BLZF1: variants seen among roughly 807,000 people sequenced by gnomAD.
BLZF1 encodes basic leucine zipper nuclear factor 1, also known as golgin-45.
BLZF1 carries 39 observed loss-of-function variants against 43.8 expected under a neutral mutation model. The ratio of observed to expected loss-of-function variants is 0.89; its 90% confidence interval spans 0.69 to 1.16. BLZF1 has a LOEUF of 1.16. Among genes scored for constraint, BLZF1 ranks in the 50% most tolerant of loss-of-function variants. The probability of loss-of-function intolerance (pLI) is 0.00; values close to 1 mark genes in which losing one functional copy is unlikely to be tolerated. For synonymous variants in BLZF1, 136 were observed against 159.4 expected, an observed-to-expected ratio of 0.85 and a Z score of 1.11; for missense variants, 449 against 469.8, an observed-to-expected ratio of 0.96 and a Z score of 0.41.
rs1426072861 is a variant in BLZF1, at chr1:169,387,309, A to G, written c.*127A>G. 1 of 801,982 alleles carries G rather than the reference A, an allele frequency of 1.2e-6. No homozygotes were observed. Among genetic ancestry groups the G allele is most frequent in the African/African-American group, 1.8e-5 (1 of 55,818 alleles). 49.7% of individuals were successfully genotyped at this position (801,982 alleles called of 1,614,324 possible). A position where few individuals can be genotyped will look rare whatever the true frequency, so the allele number is the denominator to read the frequency against. ...CCTATTTACATAATGTATACACCCA[A>G]AGATATTTTATGTACTAGACTCCAG... On this transcript the variant is annotated 3_prime_UTR_variant, in exon 7 of 7. Transcript: ENST00000367808.
At chr1:169,395,881 T>TTG (rs1655000738) in intron 7 of BLZF1, 2 of 151,528 alleles carry the variant, frequency 1.3e-5, no homozygotes, top group Non-Finnish European at 2.9e-5. Flanking sequence ...TTTTGTTGTT[T>TTG]TTTTTTTTTC....
Position 169,378,455 on chromosome 1 carries a change from A to T in BLZF1, c.594A>T (p.Thr198=), listed in dbSNP as rs770732884. 1.9e-5 allele frequency: 31 copies of T among 1,612,944 alleles called. 1 individual carries two copies. In the Middle Eastern group the frequency reaches 1.5e-3, roughly 77 times the overall value. The part of the protein sequence containing the change: ...ILENEALGRN[T]AQLSEQLERM... ...AAAATGAAGCCCTAGGTCGAAACAC[A>T]GCTCAGCTTTCTGAACAGTTAGAAC... Residue 198 remains threonine, a synonymous_variant, in exon 4 of 7, where the codon ACA becomes ACT. Transcript: ENST00000367808.
chr1:169,369,536 A>C lies in BLZF1; in HGVS notation c.14A>C (p.Asn5Thr), dbSNP rs1309570467. 2 of 1,609,922 alleles carry C rather than the reference A, an allele frequency of 1.2e-6. No individual in the cohort carries two copies. The highest frequency in any genetic ancestry group is 2.2e-5 in the East Asian group (1 of 44,758). Residue 5 changes from asparagine to threonine, a missense_variant, in exon 2 of 7, where the codon AAT becomes ACT. By Grantham distance (65) the Asn-to-Thr change is moderately conservative. Coordinates refer to ENST00000367808, the MANE Select transcript of BLZF1 (RefSeq NM_001320973.2). ...TAAGGTGAAAAAATGACTACTAAAA[A>C]TTTAGAAACCAAAGGTAAGTGGCTT... is the stretch of plus-strand genomic sequence containing the variant. MTTK[N>T]LETKVTVTSS...
At chr1:169,371,486 G>A (rs1255551400) in intron 2 of BLZF1, among the ~76,000 whole-genome samples, 1 of 152,128 alleles carries the variant, frequency 6.6e-6, no homozygotes, top group South Asian at 2.1e-4. Context: ...TATTTAATCT[G>A]TCATCTGATG....
exon 8 of BLZF1, chr1:169,396,397 A>T (rs762993523): frequency 1.3e-5 from 2 of 152,110 alleles, no homozygotes; most frequent in African/African-American, 4.8e-5. Flanking sequence ...CTACAAAAAA[A>T]ATATAAAAAT....
chr1:169,371,526 G>A (rs1352282200), intron 2 of BLZF1, among the ~76,000 whole-genome samples: 1 of 152,084 alleles, frequency 6.6e-6, no homozygotes, highest in African/African-American at 2.4e-5. Flanking sequence ...TGTATTGCAT[G>A]GCCTGTGAAA....
In BLZF1 at chr1:169,395,190, G is replaced by A. The variant is rs370391570; in HGVS notation, c.*28-704G>A. ...TGTTGCTCTGCCATTTTTTCCATCC[G>A]TTTCCTTCTTAACCATCTGTAGAAA... On this transcript the variant is annotated intron_variant, in intron 7 of 7. Coordinates refer to the BLZF1 transcript ENST00000329281. 4.2e-5 allele frequency: 68 copies of A among 1,610,780 alleles called. No homozygotes were observed. The highest frequency in any genetic ancestry group is 5.3e-5 in the Non-Finnish European group (62 of 1,178,878).
At chr1:169,394,581 G>T (rs929351396) in intron 7 of BLZF1, among the ~76,000 whole-genome samples, 1 of 152,070 alleles carries the variant, frequency 6.6e-6, no homozygotes, top group Non-Finnish European at 1.5e-5. Context: ...AGGTACTAAC[G>T]GGTGGAATTA....
chr1:169,381,692 T>G (rs1477695359), intron 5 of BLZF1, among the ~76,000 whole-genome samples: 1 of 152,110 alleles, frequency 6.6e-6, no homozygotes, highest in Non-Finnish European at 1.5e-5. Context: ...CCAAGTAAAG[T>G]GAATCCCAGG....
chr1:169,385,374 G>A lies in BLZF1; in HGVS notation c.1018-1623G>A, dbSNP rs1337166219. ...TTTTTCTGTTCTTATGTCTGCTTAT[G>A]CATACTGCTTCCCCCATCCCCCACA... On this transcript the variant is annotated intron_variant, in intron 6 of 6. Coordinates refer to ENST00000367808, the MANE Select transcript of BLZF1 (RefSeq NM_001320973.2). Among the ~76,000 whole-genome samples the A allele has an allele frequency of 1.3e-5, 2 of 151,928 alleles. 1 individual carries two copies. Among genetic ancestry groups the A allele is most frequent in the Non-Finnish European group, 2.9e-5 (2 of 67,992 alleles).
At chr1:169,379,600 T>C (rs1218070951) in intron 4 of BLZF1, among the ~76,000 whole-genome samples, 1 of 152,034 alleles carries the variant, frequency 6.6e-6, no homozygotes, top group Non-Finnish European at 1.5e-5. Context: ...AATATGACTT[T>C]ATTGGTATTT....
Position 169,375,469 on chromosome 1 carries a change from T to C in BLZF1, c.29-1071T>C, listed in dbSNP as rs1340870892. ...CAGTGATGAATTCACTGAAGACCAA[T>C]CAGTAGTTCATGATTGTCCTTAATG... On this transcript the variant is annotated intron_variant, in intron 2 of 6. Transcript: ENST00000367808. Among the ~76,000 whole-genome samples, 4 of 141,404 alleles carry C rather than the reference T, an allele frequency of 2.8e-5. No homozygotes were observed. The East Asian group carries it at 8.0e-4, about 28-fold the overall frequency. 92.8% of individuals were successfully genotyped at this position (141,404 alleles called of 152,430 possible). A position where few individuals can be genotyped will look rare whatever the true frequency, so the allele number is the denominator to read the frequency against.
rs776409088 is a variant in BLZF1, at chr1:169,376,774, TA to T, written c.265del (p.Thr89LeufsTer29). On this transcript the variant is annotated frameshift_variant, in exon 3 of 7. Transcript: ENST00000367808. LOFTEE classifies it high-confidence loss of function. ...AGAATATTAGTTCCCAAAGCTGCTA[TA>T]ACTCATGATATCCCCAACAAAAATA... ...AVRILVPKAA[I>X]THDIPNKNTK... 6.2e-7 allele frequency: 1 copy of T among 1,613,396 alleles called. No homozygotes were observed. The highest frequency in any genetic ancestry group is 1.1e-5 in the South Asian group (1 of 91,050).
intron 6 of BLZF1, among the ~76,000 whole-genome samples, chr1:169,384,773 T>G (rs1654622960): frequency 6.6e-6 from 1 of 152,168 alleles, no homozygotes; most frequent in African/African-American, 2.4e-5. Context: ...TCTCCATCCT[T>G]CCATTGTACT....
intron 2 of BLZF1, among the ~76,000 whole-genome samples, chr1:169,372,127 A>C (rs1464447408): frequency 6.6e-6 from 1 of 152,154 alleles, no homozygotes; most frequent in East Asian, 1.9e-4. Context: ...GTAAATCTCG[A>C]TGTTACTCTT....
exon 8 of BLZF1, chr1:169,396,149 A>T (rs1353947481): frequency 6.6e-6 from 1 of 152,224 alleles, no homozygotes; most frequent in Non-Finnish European, 1.5e-5. Flanking sequence ...GACAGTATGC[A>T]TACTGGTGTT....
intron 4 of BLZF1, among the ~76,000 whole-genome samples, chr1:169,380,009 G>A (rs891267589): frequency 7.2e-5 from 11 of 151,820 alleles, no homozygotes; most frequent in Admixed American, 5.9e-4. Context: ...AAAAAACTTT[G>A]TTGACTGCAT....
intron 2 of BLZF1, among the ~76,000 whole-genome samples, chr1:169,370,408 T>G (rs1654077764): frequency 6.6e-6 from 1 of 152,180 alleles, no homozygotes; most frequent in African/African-American, 2.4e-5. Flanking sequence ...TGATTTGTCC[T>G]CTCTAATATT....
chr1:169,381,942 G>A, intron 5 of BLZF1, 120 bp from the exon 6 acceptor site: 1 of 780,016 alleles, frequency 1.3e-6, no homozygotes, highest in Non-Finnish European at 2.0e-6. Context: ...CTCTGAGAGA[G>A]AAAGGGATCA....
Sources: allele counts gnomAD v4.1 joint callset (sites outside exome capture counted in the v4.1 genomes callset), GRCh38; gene constraint gnomAD v4.1.1; transcripts MANE v1.5; gene names NCBI Gene and HGNC (gene_info 2026-07-23, HGNC 2026-07-21).